KIF2A: variants seen among roughly 807,000 people sequenced by gnomAD.
KIF2A encodes kinesin family member 2A.
KIF2A carries 22 observed loss-of-function variants against 100.2 expected under a neutral mutation model. That is an observed-to-expected ratio of 0.22 (90% confidence interval 0.16 to 0.31). The LOEUF (loss-of-function observed/expected upper bound fraction) is 0.31, where lower values mean the gene tolerates loss of function less well. KIF2A is among the 10% of genes least tolerant of loss of function. The pLI, the probability that KIF2A is intolerant of heterozygous loss-of-function variation, is 1.00. For missense variants in KIF2A, 495 were observed against 898.7 expected, an observed-to-expected ratio of 0.55 and a Z score of 5.74; for synonymous variants, 268 against 285.9, an observed-to-expected ratio of 0.94 and a Z score of 0.63.
chr5:62,322,834 A>C (rs1363182861), intron 1 of KIF2A, among the ~76,000 whole-genome samples: 4 of 148,956 alleles, frequency 2.7e-5, no homozygotes, highest in Non-Finnish European at 3.0e-5. Context: ...TAAATGGTAA[A>C]TATGGTAAAG....
At position 62,373,847 on chromosome 5, in the gene KIF2A, C is replaced by T. The variant is rs1393854635; in HGVS notation, c.1911+10C>T. On this transcript the variant is annotated intron_variant, in intron 18 of 20. Coordinates refer to ENST00000407818, the MANE Select transcript of KIF2A (RefSeq NM_001098511.3). The stretch of plus-strand genomic sequence containing the variant: ...TCTTTGTGAACAAAATGTGAGTGTA[C>T]TATGGTTGTAAATGTTATAATCTTA... The T allele has an allele frequency of 1.9e-6, 3 of 1,592,734 alleles. No homozygotes were observed. Among genetic ancestry groups the T allele is most frequent in the East Asian group, 2.2e-5 (1 of 44,722 alleles).
intron 16 of KIF2A, among the ~76,000 whole-genome samples, chr5:62,371,454 A>G (rs1409858996): frequency 1.3e-5 from 2 of 152,202 alleles, no homozygotes; most frequent in Non-Finnish European, 2.9e-5. Flanking sequence ...AAAGAAGGGA[A>G]TTTCATTTAG....
intron 16 of KIF2A, among the ~76,000 whole-genome samples, chr5:62,371,143 T>C (rs897851019): frequency 2.6e-5 from 4 of 151,892 alleles, no homozygotes; most frequent in Non-Finnish European, 5.9e-5. Flanking sequence ...GGCACACCAG[T>C]GATAGTCCCA....
At chr5:62,371,205 G>C (rs1283611874) in intron 16 of KIF2A, among the ~76,000 whole-genome samples, 1 of 152,124 alleles carries the variant, frequency 6.6e-6, no homozygotes, top group Non-Finnish European at 1.5e-5. Flanking sequence ...AATGAGCCAT[G>C]ACTGAGCCAC....
intron 1 of KIF2A, among the ~76,000 whole-genome samples, chr5:62,331,934 A>G (rs1746677867): frequency 6.6e-6 from 1 of 152,120 alleles, no homozygotes; most frequent in Admixed American, 6.6e-5. Flanking sequence ...TAGATTTTTA[A>G]TATTCTGACT....
intron 1 of KIF2A, among the ~76,000 whole-genome samples, chr5:62,339,451 T>A (rs1580043815): frequency 2.0e-5 from 3 of 150,654 alleles, no homozygotes; most frequent in Non-Finnish European, 3.0e-5. Flanking sequence ...ATACAAACTA[T>A]CACACAGCCA....
rs571815935 is a variant in KIF2A, at chr5:62,340,217, G to A, written c.65-6913G>A. Among the ~76,000 whole-genome samples, 4 of 152,238 alleles carry A rather than the reference G, an allele frequency of 2.6e-5. No homozygotes were observed. The East Asian group carries it at 7.7e-4, about 29-fold the overall frequency. On this transcript the variant is annotated intron_variant, in intron 1 of 20. Transcript: ENST00000407818. ...CTCCCAAAGTGCTGGGATTGCAGGC[G>A]TGAGCCACTGCACCTGGCAGTTGTT...
chr5:62,366,830 CAAA>C (rs753260744), intron 16 of KIF2A, among the ~76,000 whole-genome samples: 1 of 82,038 alleles, frequency 1.2e-5, no homozygotes, highest in Non-Finnish European at 2.6e-5. Context: ...GACTCCGTCT[CAAA>C]AAAAAAAAAA....
At chr5:62,352,937 G>A in intron 5 of KIF2A, 1 of 426,666 alleles carries the variant, frequency 2.3e-6, no homozygotes, top group Non-Finnish European at 4.1e-6. Flanking sequence ...CAATGTTTCA[G>A]TTTGAGTTTA....
intron 1 of KIF2A, among the ~76,000 whole-genome samples, chr5:62,324,179 T>A (rs898825013): frequency 6.6e-6 from 1 of 152,092 alleles, no homozygotes; most frequent in Non-Finnish European, 1.5e-5. Flanking sequence ...AGCTCTACAG[T>A]GAGAATTACA....
At chr5:62,375,000 T>C (rs1272260929) in intron 18 of KIF2A, among the ~76,000 whole-genome samples, 1 of 152,214 alleles carries the variant, frequency 6.6e-6, no homozygotes, top group Non-Finnish European at 1.5e-5. Context: ...ATGTATGCAC[T>C]ATATTAAAAT....
chr5:62,352,580 A>G lies in KIF2A; in HGVS notation c.335-8A>G. ...CCTGAATTTAAAATTTTTTTTTTTT[A>G]CTTACAGTGGTTGGTTCAGCACGTG... On this transcript the variant is annotated splice_region_variant and splice_polypyrimidine_tract_variant and intron_variant, in intron 4 of 20. Coordinates refer to ENST00000407818, the MANE Select transcript of KIF2A (RefSeq NM_001098511.3). 1 of 1,489,264 alleles carries G rather than the reference A, an allele frequency of 6.7e-7. No individual in the cohort carries two copies. The highest frequency in any genetic ancestry group is 8.9e-7 in the Non-Finnish European group (1 of 1,121,878). The allele number at this position is 1,489,264 out of a possible 1,614,324, so 92.3% of individuals were successfully genotyped here.
At chr5:62,311,032 C>T (rs899712755) in intron 1 of KIF2A, among the ~76,000 whole-genome samples, 1 of 152,166 alleles carries the variant, frequency 6.6e-6, no homozygotes, top group Admixed American at 6.5e-5. Context: ...TGTATTGATA[C>T]ATGTAATCTG....
intron 15 of KIF2A, among the ~76,000 whole-genome samples, chr5:62,366,115 TAA>T (rs1172468494): frequency 6.9e-6 from 1 of 145,750 alleles, no homozygotes; most frequent in Non-Finnish European, 1.5e-5. Context: ...AAAAGCTGTT[TAA>T]AAAAAAAAAA....
At position 62,362,557 on chromosome 5, in the gene KIF2A, T is replaced by C. The variant is rs780441228; in HGVS notation, c.1119+16T>C. 8.6e-7 allele frequency: 1 copy of C among 1,161,296 alleles called. No individual in the cohort carries two copies. Among genetic ancestry groups the C allele is most frequent in the Non-Finnish European group, 1.2e-6 (1 of 864,142 alleles). The allele number at this position is 1,161,296 out of a possible 1,614,324, so 71.9% of individuals were successfully genotyped here. On this transcript the variant is annotated intron_variant, in intron 12 of 20. Transcript: ENST00000407818. ...TAGTGGAAAGGTAAGTGGGAACTTT[T>C]TTAATTTTAATTTTTTAAAATATAT...
Position 62,389,643 on chromosome 5 carries a change from C to T in KIF2A, c.*4074C>T, listed in dbSNP as rs898288362. On this transcript the variant is annotated 3_prime_UTR_variant, in exon 21 of 21. Transcript: ENST00000407818. ...ACTTTCATTATCCCAGGCCTAAGAA[C>T]TCACTGGCATTTGTTTCAAGGTAAC... Among the ~76,000 whole-genome samples the T allele has an allele frequency of 2.6e-5, 4 of 152,092 alleles. No individual in the cohort carries two copies. Among genetic ancestry groups the T allele is most frequent in the African/African-American group, 7.2e-5 (3 of 41,388 alleles).
chr5:62,337,266 C>T (rs920423525), intron 1 of KIF2A, among the ~76,000 whole-genome samples: 12 of 151,892 alleles, frequency 7.9e-5, no homozygotes, highest in South Asian at 2.1e-4. Flanking sequence ...CCAAGGTGGG[C>T]GGATCACCTG....
At chr5:62,320,166 A>G (rs1202901341) in intron 1 of KIF2A, among the ~76,000 whole-genome samples, 1 of 152,230 alleles carries the variant, frequency 6.6e-6, no homozygotes, top group Non-Finnish European at 1.5e-5. Flanking sequence ...ACTTTTGAGT[A>G]GATAAATAAT....
intron 16 of KIF2A, among the ~76,000 whole-genome samples, chr5:62,367,632 C>T (rs1330176751): frequency 2.0e-5 from 3 of 152,090 alleles, no homozygotes; most frequent in Admixed American, 1.3e-4. Flanking sequence ...ACATTATAAA[C>T]ATTATAACTG....
Sources: allele counts gnomAD v4.1 joint callset (sites outside exome capture counted in the v4.1 genomes callset), GRCh38; gene constraint gnomAD v4.1.1; transcripts MANE v1.5; gene names NCBI Gene and HGNC (gene_info 2026-07-23, HGNC 2026-07-21).